The following KLF12 variants were observed in gnomAD, a reference collection of about 807,000 sequenced individuals.
The protein encoded by KLF12 is KLF transcription factor 12.
Under a neutral mutation model 37.8 loss-of-function variants are expected in KLF12, and 9 were observed. The observed-to-expected ratio is 0.24, with a 90% confidence interval of 0.14 to 0.42. The LOEUF is 0.42. Among genes scored for constraint, KLF12 ranks in the 10% least tolerant of loss-of-function variants. The pLI, the probability that KLF12 is intolerant of heterozygous loss-of-function variation, is 1.00. For synonymous variants in KLF12, 208 were observed against 202.1 expected (o/e 1.03, Z -0.25); for missense variants, 411 against 516.0 (o/e 0.80, Z 1.97).
At chr13:74,185,691 G>C in the KLF12 span, among the ~76,000 whole-genome samples, 1 of 152,130 alleles carries the variant, frequency 6.6e-6, no homozygotes. Flanking sequence ...TCTTCACCCA[G>C]GCTGGAGTGC....
intron 5 of KLF12, among the ~76,000 whole-genome samples, chr13:73,769,008 A>G (rs1278704978): frequency 2.0e-5 from 3 of 152,200 alleles, no homozygotes; most frequent in Admixed American, 2.0e-4. Context: ...CCAATTGAAC[A>G]TTTTATAATA....
intron 4 of KLF12, among the ~76,000 whole-genome samples, chr13:73,827,938 T>C (rs973726035): frequency 2.6e-5 from 4 of 152,238 alleles, no homozygotes; most frequent in Admixed American, 2.0e-4. Context: ...TTTATCTACA[T>C]TTTTCAAACC....
intron 1 of KLF12, among the ~76,000 whole-genome samples, chr13:74,086,302 T>C (rs944087702): frequency 1.6e-5 from 2 of 124,830 alleles, no homozygotes; most frequent in Non-Finnish European, 3.2e-5. Flanking sequence ...CAGAGTGTGA[T>C]GTTCCCCTTC....
chr13:74,081,737 G>A lies in KLF12; in HGVS notation c.-32+52002C>T, dbSNP rs537926151. 2.6e-5 allele frequency among the ~76,000 whole-genome samples: 4 copies of A among 152,228 alleles called. No homozygotes were observed. In the East Asian group the frequency reaches 5.8e-4, roughly 22 times the overall value. ...ATATATATCTTTGCATACAGGCATG[G>A]AACGCCTCCTTCCATAGATTTACAA... is the stretch of plus-strand genomic sequence containing the variant. On this transcript the variant is annotated intron_variant, in intron 1 of 7. Coordinates refer to ENST00000377669, the MANE Select transcript of KLF12 (RefSeq NM_007249.5).
chr13:74,069,583 G>A (rs1874107526), intron 1 of KLF12, among the ~76,000 whole-genome samples: 1 of 152,164 alleles, frequency 6.6e-6, no homozygotes, highest in African/African-American at 2.4e-5. Context: ...TTGAGTTTTA[G>A]ACCATAAATT....
intron 3 of KLF12, among the ~76,000 whole-genome samples, chr13:73,860,013 C>T (rs909466534): frequency 3.9e-5 from 6 of 151,976 alleles, no homozygotes; most frequent in East Asian, 1.9e-4. Flanking sequence ...TGTAATAAAG[C>T]GGAACTTTTG....
chr13:74,057,223 T>C (rs1381006927), intron 1 of KLF12, among the ~76,000 whole-genome samples: 1 of 152,154 alleles, frequency 6.6e-6, no homozygotes, highest in Non-Finnish European at 1.5e-5. Context: ...ATCTTAATTT[T>C]AAAAAAACAG....
the KLF12 span, among the ~76,000 whole-genome samples, chr13:74,197,809 A>T: frequency 6.6e-6 from 1 of 151,894 alleles, no homozygotes; most frequent in Non-Finnish European, 1.5e-5. Flanking sequence ...TATTCTGTAA[A>T]TTTTTCTTGC....
At chr13:74,008,332 T>G (rs1359422) in intron 1 of KLF12, among the ~76,000 whole-genome samples, 12,624 of 152,214 alleles carry the variant, frequency 0.083, 586 homozygotes, top group Admixed American at 0.11. Context: ...AGAGGGTACA[T>G]GAGCCACTCT....
rs985768856 is a variant in KLF12 at position 73,874,502 on chromosome 13, CTCAG to C, written c.124-28133_124-28130del. Among the ~76,000 whole-genome samples the C allele has an allele frequency of 3.0e-4, 45 of 152,176 alleles. 1 individual carries two copies. Among genetic ancestry groups the C allele is most frequent in the African/African-American group, 1.0e-3 (42 of 41,450 alleles). On this transcript the variant is annotated intron_variant, in intron 3 of 7. Coordinates refer to ENST00000377669, the MANE Select transcript of KLF12 (RefSeq NM_007249.5). Reference sequence around the variant, plus strand: ...TTACAATAAGTTCAGTCTTGATAAACTCAGTTATTCAGGAAAATGTCACTGCAGT... The same window carrying C: ...TTACAATAAGTTCAGTCTTGATAAACTTATTCAGGAAAATGTCACTGCAGT...
At chr13:74,257,317 G>A in the KLF12 span, 1 of 152,356 alleles carries the variant, frequency 6.6e-6, no homozygotes, top group Non-Finnish European at 1.5e-5. Flanking sequence ...CACAGGAGCA[G>A]ATGAAATGTC....
At chr13:74,178,711 A>G in the KLF12 span, among the ~76,000 whole-genome samples, 5 of 152,256 alleles carry the variant, frequency 3.3e-5, no homozygotes, top group Admixed American at 3.3e-4. Flanking sequence ...GTTCTTGGAG[A>G]CACAATTTGC....
At chr13:74,033,013 T>C (rs1289087290) in intron 1 of KLF12, among the ~76,000 whole-genome samples, 1 of 152,192 alleles carries the variant, frequency 6.6e-6, no homozygotes, top group Non-Finnish European at 1.5e-5. Flanking sequence ...TAATGCCCCA[T>C]GGGTGTTATA....
rs200543371 is a variant in KLF12 at position 73,934,556 on chromosome 13, TTTC to T, written c.123+9422_123+9424del. Among the ~76,000 whole-genome samples the T allele has an allele frequency of 7.8e-3, 1,194 of 152,354 alleles. 20 individuals carry two copies. Among genetic ancestry groups the T allele is most frequent in the African/African-American group, 0.027 (1,103 of 41,580 alleles). The stretch of plus-strand genomic sequence containing the variant: ...TCCGTTTCTTTCTGCCTGCAATTTC[TTTC>T]TTCTTTCCTGACTGATTTCAGATAA... On this transcript the variant is annotated intron_variant, in intron 3 of 7. Coordinates refer to ENST00000377669, the MANE Select transcript of KLF12 (RefSeq NM_007249.5).
At chr13:74,021,358 G>A (rs943900035) in intron 1 of KLF12, among the ~76,000 whole-genome samples, 2 of 152,168 alleles carry the variant, frequency 1.3e-5, no homozygotes, top group Admixed American at 6.5e-5. Flanking sequence ...GTCTAGGGCA[G>A]TAAGGGTCCT....
At chr13:74,138,147 G>C (rs1309176650), upstream of KLF12, among the ~76,000 whole-genome samples, 1 of 152,252 alleles carries the variant, frequency 6.6e-6, no homozygotes, top group Non-Finnish European at 1.5e-5. Flanking sequence ...TGTACATTTA[G>C]AGATTGTAAG....
chr13:74,306,000 C>T, the KLF12 span, among the ~76,000 whole-genome samples: 1 of 152,012 alleles, frequency 6.6e-6, no homozygotes, highest in Admixed American at 6.6e-5. Flanking sequence ...ACTTACCTAG[C>T]TCTCAGGCAT....
At chr13:73,744,859 T>C (rs531616078) in intron 6 of KLF12, among the ~76,000 whole-genome samples, 1 of 152,298 alleles carries the variant, frequency 6.6e-6, no homozygotes, top group African/African-American at 2.4e-5. Context: ...TTTCTGATGG[T>C]GGCTAGTTGA....
At chr13:74,049,006 G>A (rs945821122) in intron 1 of KLF12, among the ~76,000 whole-genome samples, 17 of 152,156 alleles carry the variant, frequency 1.1e-4, no homozygotes, top group Admixed American at 5.2e-4. Flanking sequence ...AGCTCCCTAC[G>A]ACCAGAAATG....
Sources: allele counts gnomAD v4.1 joint callset (sites outside exome capture counted in the v4.1 genomes callset), GRCh38; gene constraint gnomAD v4.1.1; transcripts MANE v1.5; gene names NCBI Gene and HGNC (gene_info 2026-07-23, HGNC 2026-07-21).